EDARADD: variants seen among roughly 807,000 people sequenced by gnomAD.
The protein encoded by EDARADD is EDAR associated via death domain, also known as ectodysplasin-A receptor-associated adapter protein.
In EDARADD, 20 loss-of-function variants were observed where a neutral mutation model predicts 25.6. That is an observed-to-expected ratio of 0.78 (90% CI 0.55 to 1.14). EDARADD has a LOEUF of 1.14. Among genes scored for constraint, EDARADD ranks in the 50% most tolerant of loss-of-function variants. EDARADD has a pLI of 0.00. For missense variants in EDARADD, 225 were observed against 270.1 expected, an observed-to-expected ratio of 0.83 and a Z score of 1.17; for synonymous variants, 86 against 94.4, an observed-to-expected ratio of 0.91 and a Z score of 0.52.
chr1:236,350,703 G>A lies in EDARADD; in HGVS notation c.-141-1G>A, dbSNP rs922322455. 14 of 152,190 alleles carry A rather than the reference G, an allele frequency of 9.2e-5. No homozygotes were observed. The highest frequency in any genetic ancestry group is 3.4e-4 in the African/African-American group (14 of 41,438). The allele number at this position is 152,190 out of a possible 1,614,324, so 9.4% of individuals were successfully genotyped here. A position where few individuals can be genotyped will look rare whatever the true frequency, so the allele number is the denominator to read the frequency against. On this transcript the variant is annotated splice_acceptor_variant, in intron 2 of 7. Coordinates refer to the EDARADD transcript ENST00000439430. LOFTEE classifies it low-confidence loss of function (5UTR_SPLICE). ...CTTTCAAAGTTATTTTCCTCCTACA[G>A]CTTTGAGAGAAGAAAAATAGCTCCA...
At chr1:236,363,006 A>AAAAAATATATATAT (rs1377112051) in intron 3 of EDARADD, among the ~76,000 whole-genome samples, 3 of 42,948 alleles carry the variant, frequency 7.0e-5, no homozygotes, top group African/African-American at 3.3e-4. Context: ...AAAAAAAAAA[A>AAAAAATATATATAT]ATATATATAT....
intron 1 of EDARADD, among the ~76,000 whole-genome samples, chr1:236,405,737 CTTT>C (rs1667698601): frequency 2.6e-5 from 1 of 37,830 alleles, no homozygotes; most frequent in East Asian, 3.9e-4. Context: ...TTCTTTCTTT[CTTT>C]CTTTCTTTCT....
Position 236,427,458 on chromosome 1 carries a change from TA to T in EDARADD, c.219+10del, listed in dbSNP as rs1393387436. The T allele has an allele frequency of 6.2e-7, 1 of 1,610,572 alleles. No homozygotes were observed. The highest frequency in any genetic ancestry group is 8.5e-7 in the Non-Finnish European group (1 of 1,177,880). The stretch of plus-strand genomic sequence containing the variant: ...TCAGATATGAAAAATCAGGTAAGAA[TA>T]ATTTCAACTATATTTTACCCTTAGG... On this transcript the variant is annotated intron_variant, in intron 4 of 5. Transcript: ENST00000334232.
rs754804481 is a variant in EDARADD, at chr1:236,429,219, A to ATTTT, written c.219+1785_219+1788dup. On this transcript the variant is annotated intron_variant, in intron 4 of 5. Transcript: ENST00000334232. The stretch of plus-strand genomic sequence containing the variant: ...GGGAGCGGGAGCGGGAGAGGGAGAG[A>ATTTT]TTTTTTTTTTTTTTTTTTTGAGGCA... Among the ~76,000 whole-genome samples the ATTTT allele has an allele frequency of 4.6e-3, 556 of 122,126 alleles. 5 individuals carry two copies. Among genetic ancestry groups the ATTTT allele is most frequent in the African/African-American group, 0.016 (523 of 32,038 alleles). The allele number at this position is 122,126 out of a possible 152,430, so 80.1% of individuals were successfully genotyped here.
intron 1 of EDARADD, among the ~76,000 whole-genome samples, chr1:236,399,780 A>C (rs1265365111): frequency 6.6e-6 from 1 of 152,268 alleles, no homozygotes; most frequent in Non-Finnish European, 1.5e-5. Context: ...CGTTGCAGTA[A>C]GGCAAGTGCC....
At chr1:236,383,485 C>A (rs1355553313) in intron 3 of EDARADD, among the ~76,000 whole-genome samples, 1 of 151,716 alleles carries the variant, frequency 6.6e-6, no homozygotes, top group African/African-American at 2.4e-5. Context: ...CATCCTTCTT[C>A]ACCTGGTGTG....
In EDARADD at chr1:236,395,681, G is replaced by T. The variant is rs1282981029; in HGVS notation, c.61+1176G>T. 2.6e-6 allele frequency: 4 copies of T among 1,560,152 alleles called. No homozygotes were observed. The highest frequency in any genetic ancestry group is 1.9e-5 in the Admixed American group (1 of 53,698). ...CGCAGGTAAAGGGACACAGCGCCGCGCCCGCTCCTGGAGCGAGCACCGCGG... is the reference window on the plus strand; with the variant it reads ...CGCAGGTAAAGGGACACAGCGCCGCTCCCGCTCCTGGAGCGAGCACCGCGG... On this transcript the variant is annotated intron_variant, in intron 1 of 5. Coordinates refer to ENST00000334232, the MANE Select transcript of EDARADD (RefSeq NM_145861.4). This position sits in a 1 kb window ranked among gnomAD's most constrained non-coding sequence, Gnocchi z 6.9.
At chr1:236,426,874 C>T (rs973160045) in intron 3 of EDARADD, among the ~76,000 whole-genome samples, 10 of 152,068 alleles carry the variant, frequency 6.6e-5, no homozygotes, top group African/African-American at 2.2e-4. Flanking sequence ...GAGTGAGACC[C>T]TCTGTCTCTT....
chr1:236,404,135 T>C (rs1224362337), intron 1 of EDARADD, among the ~76,000 whole-genome samples: 1 of 152,212 alleles, frequency 6.6e-6, no homozygotes, highest in Non-Finnish European at 1.5e-5. Context: ...TCTGCTCCTC[T>C]GCCCGTCCTA....
intron 3 of EDARADD, among the ~76,000 whole-genome samples, chr1:236,356,151 A>G (rs1726673): frequency 0.5 from 76,556 of 151,804 alleles, 20,069 homozygotes; most frequent in East Asian, 0.84. Context: ...CTTAGCAGTT[A>G]TTTTATGGCT....
chr1:236,484,533 T>A lies in EDARADD; in HGVS notation c.*1884T>A, dbSNP rs1659777092. On this transcript the variant is annotated 3_prime_UTR_variant, in exon 6 of 6. Transcript: ENST00000334232. This position sits in a 1 kb window ranked among gnomAD's most constrained non-coding sequence, Gnocchi z 4.1. ...ATTAGACCCCTCCCCTTGTGTCAAC[T>A]CCGGCAGCTCAAGACCCCCGAGCAA... 1 of 1,362,722 alleles carries A rather than the reference T, an allele frequency of 7.3e-7. No individual in the cohort carries two copies. The highest frequency in any genetic ancestry group is 1.0e-6 in the Non-Finnish European group (1 of 967,962). The allele number at this position is 1,362,722 out of a possible 1,614,324, so 84.4% of individuals were successfully genotyped here.
At chr1:236,458,609 A>G (rs1000972810) in intron 4 of EDARADD, among the ~76,000 whole-genome samples, 1 of 138,760 alleles carries the variant, frequency 7.2e-6, no homozygotes, top group African/African-American at 2.7e-5. Flanking sequence ...AGTAATTTTT[A>G]CTTTTGTGTG....
chr1:236,377,783 G>A (rs980361857), intron 3 of EDARADD, among the ~76,000 whole-genome samples: 9 of 151,756 alleles, frequency 5.9e-5, no homozygotes, highest in African/African-American at 9.7e-5. Flanking sequence ...GCTTGAACCC[G>A]GGAGGCAGAG....
chr1:236,382,088 A>G (rs12028148), intron 3 of EDARADD, among the ~76,000 whole-genome samples: 21,003 of 151,824 alleles, frequency 0.14, 1,855 homozygotes, highest in South Asian at 0.19. Context: ...AATTTAAAAA[A>G]TTTTTGGCCA....
chr1:236,427,378 T>C lies in EDARADD; in HGVS notation c.161-14T>C. 1 of 1,606,292 alleles carries C rather than the reference T, an allele frequency of 6.2e-7. No homozygotes were observed. The highest frequency in any genetic ancestry group is 8.5e-7 in the Non-Finnish European group (1 of 1,176,028). On this transcript the variant is annotated splice_polypyrimidine_tract_variant and intron_variant, in intron 3 of 5. Transcript: ENST00000334232. ...CACTTTGTTTCTTTCTTTCTTTCTTTTTTTTTTTCCTAGCTGAAGAATGTG... is the reference window on the plus strand; with the variant it reads ...CACTTTGTTTCTTTCTTTCTTTCTTCTTTTTTTTCCTAGCTGAAGAATGTG...
chr1:236,386,738 G>C (rs1667356957), intron 3 of EDARADD, among the ~76,000 whole-genome samples: 1 of 30,890 alleles, frequency 3.2e-5, no homozygotes, highest in African/African-American at 9.6e-5. Flanking sequence ...TCTGAGAAGT[G>C]AGGAGCCTCT....
intron 4 of EDARADD, among the ~76,000 whole-genome samples, chr1:236,437,419 G>A (rs919018531): frequency 3.3e-5 from 5 of 152,062 alleles, no homozygotes; most frequent in Non-Finnish European, 5.9e-5. Context: ...AGAGTCTGAC[G>A]GTGGAATGAT....
At chr1:236,428,814 A>G (rs1658008245) in intron 4 of EDARADD, among the ~76,000 whole-genome samples, 2 of 151,892 alleles carry the variant, frequency 1.3e-5, no homozygotes, top group Non-Finnish European at 2.9e-5. Context: ...TAGCGAGCGG[A>G]GATCACGCCA....
At chr1:236,354,826 C>T (rs1302906741) in intron 3 of EDARADD, among the ~76,000 whole-genome samples, 3 of 152,152 alleles carry the variant, frequency 2.0e-5, no homozygotes, top group Non-Finnish European at 4.4e-5. Context: ...AATTCCATCT[C>T]AGTTTAAAGC....
Sources: gnomAD v4.1 joint callset for allele counts (sites outside exome capture counted in the v4.1 genomes callset) on GRCh38, gnomAD v4.1.1 for gene constraint, Gnocchi (gnomAD v3.1) non-coding constraint, MANE v1.5 for transcripts, NCBI Gene and HGNC (gene_info 2026-07-23, HGNC 2026-07-21) for gene names.